Variants in SDS observed in about 807,000 individuals in gnomAD.
The protein encoded by SDS is L-serine dehydratase/L-threonine deaminase.
SDS carries 19 observed loss-of-function variants against 29.3 expected under a neutral mutation model. That is an observed-to-expected ratio of 0.65 (90% CI 0.45 to 0.95). SDS has a LOEUF of 0.95. Among genes scored for constraint, SDS ranks in the 40% least tolerant of loss-of-function variants. The pLI is 0.00. For synonymous variants in SDS, 176 were observed against 189.0 expected (o/e 0.93, Z 0.56); for missense variants, 375 against 439.9 (o/e 0.85, Z 1.32).
At chr12:113,400,230 T>C (rs979619687) in intron 1 of SDS, among the ~76,000 whole-genome samples, 1 of 151,592 alleles carries the variant, frequency 6.6e-6, no homozygotes, top group South Asian at 2.1e-4. Context: ...GAGGCGGAGG[T>C]TGCAGTGAGC....
rs1179637660 is a variant in SDS, at chr12:113,392,903, T to C, written c.*38A>G. On this transcript the variant is annotated 3_prime_UTR_variant, in exon 8 of 8. Transcript: ENST00000257549. ...AAACTCCAGCCCCTCCAGGGGTCTC[T>C]TGGGCTAGGAGAGCACAGATCGGTA... The C allele has an allele frequency of 1.9e-6, 3 of 1,593,816 alleles. No individual in the cohort carries two copies. The highest frequency in any genetic ancestry group is 2.2e-5 in the East Asian group (1 of 44,792).
chr12:113,399,546 G>C lies in SDS; in HGVS notation c.153+10C>G. On this transcript the variant is annotated intron_variant, in intron 2 of 7. Coordinates refer to ENST00000257549, the MANE Select transcript of SDS (RefSeq NM_006843.3). ...ACCCCTGCCCAGATAATGCTGACCC[G>C]GTCCCGTACCCTCTTGCAGAAGTGC... The C allele has an allele frequency of 1.3e-6, 2 of 1,560,834 alleles. No individual in the cohort carries two copies. The highest frequency in any genetic ancestry group is 1.7e-6 in the Non-Finnish European group (2 of 1,155,918).
Position 113,398,414 on chromosome 12 carries a change from G to T in SDS, c.425+101C>A, listed in dbSNP as rs1593298360. On this transcript the variant is annotated intron_variant, in intron 5 of 7. Coordinates refer to ENST00000257549, the MANE Select transcript of SDS (RefSeq NM_006843.3). ...GTGGTGTGCGCACACATGTGCAGCTGCTGTGCATGAGGACGTGATGATGTG... is the reference window on the plus strand; with the variant it reads ...GTGGTGTGCGCACACATGTGCAGCTTCTGTGCATGAGGACGTGATGATGTG... The T allele has an allele frequency of 2.0e-5, 15 of 754,212 alleles. No homozygotes were observed. In the East Asian group the frequency reaches 3.5e-4, roughly 18 times the overall value. The allele number at this position is 754,212 out of a possible 1,614,324, so 46.7% of individuals were successfully genotyped here.
At position 113,397,148 on chromosome 12, in the gene SDS, G is replaced by T; in HGVS notation, c.653+17C>A. 1 of 1,609,962 alleles carries T rather than the reference G, an allele frequency of 6.2e-7. No homozygotes were observed. The highest frequency in any genetic ancestry group is 1.1e-5 in the South Asian group (1 of 90,948). On this transcript the variant is annotated intron_variant, in intron 6 of 7. Coordinates refer to ENST00000257549, the MANE Select transcript of SDS (RefSeq NM_006843.3). ...AGTGCTTGCTGGACACCCGAGGGAG[G>T]CACCCCAGCTGCTCACCTGGTGATC... is the stretch of plus-strand genomic sequence containing the variant.
At chr12:113,397,139 C>A in intron 6 of SDS, 26 bp downstream of exon 6, 1 of 1,605,266 alleles carries the variant, frequency 6.2e-7, no homozygotes, top group South Asian at 1.1e-5. Context: ...TGCTGGACAC[C>A]CGAGGGAGGC....
intron 3 of SDS, 34 bp from the exon 4 acceptor site, chr12:113,398,880 C>T (rs781682866): frequency 1.7e-5 from 27 of 1,571,280 alleles, no homozygotes; most frequent in African/African-American, 1.5e-4. Flanking sequence ...CGTGTCAGTG[C>T]GGGAGCATCT....
intron 3 of SDS, 40 bp downstream of exon 3, chr12:113,399,072 A>C (rs1957667562): frequency 6.2e-7 from 1 of 1,611,638 alleles, no homozygotes. Context: ...TGATCCCAGG[A>C]CACACAGCAG....
intron 1 of SDS, among the ~76,000 whole-genome samples, chr12:113,402,011 C>T (rs574160830): frequency 6.6e-6 from 1 of 152,258 alleles, no homozygotes; most frequent in South Asian, 2.1e-4. Context: ...GGACATCCAT[C>T]CCCCGCTCCC....
Position 113,397,287 on chromosome 12 carries a change from G to A in SDS, c.531C>T (p.Val177=). ...VGGGGLLCGV[V]QGLQEVGWGD... is the part of the protein sequence containing the mutation. The stretch of plus-strand genomic sequence containing the variant: ...CCCAGCCCACCTCCTGCAGCCCCTG[G>A]ACCACTCCACACAGCAGGCCCCCGC... The change falls in exon 6 of 8, where the codon GTC becomes GTT. Residue 177 remains valine (V), a synonymous_variant. Coordinates refer to ENST00000257549, the MANE Select transcript of SDS (RefSeq NM_006843.3). 6.2e-7 allele frequency: 1 copy of A among 1,614,136 alleles called. No individual in the cohort carries two copies. Among genetic ancestry groups the A allele is most frequent in the Non-Finnish European group, 8.5e-7 (1 of 1,180,020 alleles).
chr12:113,394,580 T>A (rs547022066), intron 6 of SDS, among the ~76,000 whole-genome samples: 2 of 152,084 alleles, frequency 1.3e-5, no homozygotes, highest in African/African-American at 4.8e-5. Context: ...CCTTAGGTGA[T>A]CCACCCCCCT....
intron 6 of SDS, among the ~76,000 whole-genome samples, chr12:113,396,378 CTTT>C (rs1270162415): frequency 6.8e-6 from 1 of 147,408 alleles, no homozygotes; most frequent in African/African-American, 2.5e-5. Flanking sequence ...CTCTTTCTCT[CTTT>C]TTCTTTCTTT....
At chr12:113,402,782 G>A (rs1052188180) in intron 1 of SDS, among the ~76,000 whole-genome samples, 5 of 152,146 alleles carry the variant, frequency 3.3e-5, no homozygotes, top group African/African-American at 4.8e-5. Context: ...GCGGCTTTCC[G>A]TGAAGTGAGC....
chr12:113,398,585 G>C lies in SDS; in HGVS notation c.355C>G (p.Leu119Val). The C allele has an allele frequency of 6.3e-7, 1 of 1,595,446 alleles. No homozygotes were observed. Among genetic ancestry groups the C allele is most frequent in the Non-Finnish European group, 8.6e-7 (1 of 1,169,312 alleles). The change falls in exon 5 of 8, where the codon CTG becomes GTG. Residue 119 changes from leucine to valine, a missense_variant. Leu to Val is a conservative substitution (Grantham distance 32). Transcript: ENST00000257549. ...VGELLDEAFE[L>V]AKALAKNNPG... ...TTGTTCTTCGCTAGGGCCTTGGCCA[G>C]CTCGAAGGCTTCATCCAATAACTGC...
chr12:113,397,177 G>T lies in SDS; in HGVS notation c.641C>A (p.Pro214His), dbSNP rs750522334. 2.7e-5 allele frequency: 44 copies of T among 1,614,060 alleles called. No homozygotes were observed. The highest frequency in any genetic ancestry group is 3.6e-5 in the Non-Finnish European group (43 of 1,180,008). Residue 214 changes from proline to histidine, a missense_variant, in exon 6 of 8, where the codon CCC becomes CAC. Physicochemically the swap from Pro to His is moderately conservative, Grantham distance 77. Transcript: ENST00000257549. Reference sequence around the variant, plus strand: ...CCCAGCTGCTCACCTGGTGATCTTGGGCAGGGAGACAAGTTTGCCTGCGGT... The same window carrying T: ...CCCAGCTGCTCACCTGGTGATCTTGTGCAGGGAGACAAGTTTGCCTGCGGT... ...ATTAGKLVSL[P>H]KITSVAKALG...
At chr12:113,396,034 G>T (rs566881723) in intron 6 of SDS, among the ~76,000 whole-genome samples, 2 of 152,344 alleles carry the variant, frequency 1.3e-5, no homozygotes, top group African/African-American at 4.8e-5. Flanking sequence ...GGGAGGCAGA[G>T]GTTGCGGTGA....
At chr12:113,394,119 A>C in intron 6 of SDS, 103 bp from the exon 7 acceptor site, 9 of 1,119,170 alleles carry the variant, frequency 8.0e-6, no homozygotes, top group African/African-American at 1.6e-5. Flanking sequence ...AGAGAAGGCA[A>C]TGCATCTGGG....
chr12:113,395,636 T>C (rs1267593536), intron 6 of SDS, among the ~76,000 whole-genome samples: 1 of 152,166 alleles, frequency 6.6e-6, no homozygotes, highest in African/African-American at 2.4e-5. Context: ...CCAAATGGAA[T>C]GTGGGTGTGA....
In SDS at chr12:113,392,783, C is replaced by A. The variant is rs973529625; in HGVS notation, c.*158G>T. On this transcript the variant is annotated 3_prime_UTR_variant, in exon 8 of 8. Transcript: ENST00000257549. ...AATTCATAGCCTCGCTGGCTGCCGA[C>A]CTTTGGCCTCTGCATAGTGGGCTCC... 4.0e-6 allele frequency: 3 copies of A among 751,720 alleles called. No homozygotes were observed. Among genetic ancestry groups the A allele is most frequent in the Non-Finnish European group, 2.3e-6 (1 of 435,332 alleles). 46.6% of individuals were successfully genotyped at this position (751,720 alleles called of 1,614,324 possible).
At chr12:113,402,351 G>A (rs527769757) in intron 1 of SDS, among the ~76,000 whole-genome samples, 3 of 152,148 alleles carry the variant, frequency 2.0e-5, no homozygotes, top group East Asian at 1.9e-4. Context: ...GGAGTGCAGC[G>A]GCATGATCTC....
Sources: allele counts gnomAD v4.1 joint callset (sites outside exome capture counted in the v4.1 genomes callset), GRCh38; gene constraint gnomAD v4.1.1; transcripts MANE v1.5; gene names NCBI Gene and HGNC (gene_info 2026-07-23, HGNC 2026-07-21).